Variants in EIF2AK1 observed in about 807,000 individuals in gnomAD.
EIF2AK1 encodes eukaryotic translation initiation factor 2-alpha kinase 1.
A neutral mutation model predicts 77.9 loss-of-function variants in EIF2AK1; 54 were observed. The ratio of observed to expected loss-of-function variants is 0.69; its 90% confidence interval spans 0.56 to 0.87. EIF2AK1 has a LOEUF of 0.87. Ranked by LOEUF, EIF2AK1 falls within the 40% of genes least tolerant of loss-of-function variation. The pLI, the probability that EIF2AK1 is intolerant of heterozygous loss-of-function variation, is 0.00. For missense variants in EIF2AK1, 810 were observed against 768.6 expected (o/e 1.05, Z -0.64); for synonymous variants, 314 against 290.5 (o/e 1.08, Z -0.82).
intron 7 of EIF2AK1, among the ~76,000 whole-genome samples, chr7:6,043,840 T>C (rs1253049530): frequency 6.6e-6 from 1 of 152,112 alleles, no homozygotes; most frequent in African/African-American, 2.4e-5. Flanking sequence ...GGCTCATGCC[T>C]ATAGTCCCAG....
rs867598900 is a variant in EIF2AK1 at position 6,028,935 on chromosome 7, G to A, written c.1430C>T (p.Thr477Ile). The change falls in exon 12 of 15, where the codon ACC becomes ATC. Residue 477 changes from threonine to isoleucine, a missense_variant. Physicochemically the swap from Thr to Ile is moderately conservative, Grantham distance 89 (BLOSUM62 -1). Coordinates refer to ENST00000199389, the MANE Select transcript of EIF2AK1 (RefSeq NM_014413.4). ...AAACTTACTCTTCCCGTTTCTGTTGGTCCAGTCTGTGTTCTTCTGTAGGAT... is the reference window on the plus strand; with the variant it reads ...AAACTTACTCTTCCCGTTTCTGTTGATCCAGTCTGTGTTCTTCTGTAGGAT... ...TDILQKNTDW[T>I]NRNGKRTPTH... The A allele has an allele frequency of 5.6e-6, 9 of 1,605,992 alleles. No homozygotes were observed. In the Middle Eastern group the frequency reaches 8.3e-4, roughly 148 times the overall value.
Position 6,049,971 on chromosome 7 carries a change from G to C in EIF2AK1, c.352C>G (p.Leu118Val), listed in dbSNP as rs1423186501. Residue 118 changes from leucine (L) to valine (V), a missense_variant, in exon 3 of 15, where the codon CTA (leucine) becomes GTA (valine). Coordinates refer to ENST00000199389, the MANE Select transcript of EIF2AK1 (RefSeq NM_014413.4). ...TGAGTAATAGCTCTGTTGTGATGTA[G>C]TCTCAATGAGCTAAACTCGTCACTA... is the stretch of plus-strand genomic sequence containing the variant. ...TCSDEFSSLR[L>V]HHNRAITHLM... 6.2e-7 allele frequency: 1 copy of C among 1,613,110 alleles called. No homozygotes were observed. The highest frequency in any genetic ancestry group is 8.5e-7 in the Non-Finnish European group (1 of 1,179,564).
intron 13 of EIF2AK1, 55 bp downstream of exon 13, chr7:6,028,560 T>C: frequency 6.4e-7 from 1 of 1,568,742 alleles, no homozygotes; most frequent in Non-Finnish European, 8.8e-7. Flanking sequence ...CCCTGTATTG[T>C]TATTTAAGAC....
At chr7:6,042,874 A>G in intron 8 of EIF2AK1, 59 bp downstream of exon 8, 1 of 1,487,214 alleles carries the variant, frequency 6.7e-7, no homozygotes, top group Admixed American at 1.8e-5. Flanking sequence ...GCCAAAAAAA[A>G]GAACAAAAGC....
chr7:6,036,478 C>T lies in EIF2AK1; in HGVS notation c.1332+946G>A, dbSNP rs1788099424. 1.5e-5 allele frequency: 12 copies of T among 798,754 alleles called. No homozygotes were observed. The South Asian group carries it at 2.3e-4, about 15-fold the overall frequency. The allele number at this position is 798,754 out of a possible 1,614,324, so 49.5% of individuals were successfully genotyped here. A position where few individuals can be genotyped will look rare whatever the true frequency, so the allele number is the denominator to read the frequency against. On this transcript the variant is annotated intron_variant, in intron 11 of 14. Coordinates refer to ENST00000199389, the MANE Select transcript of EIF2AK1 (RefSeq NM_014413.4). The surrounding 1 kb of genome is among the most constrained non-coding windows in gnomAD (Gnocchi z 4.6). ...ATGTCCCAGAAAATGCTTCACCTAT[C>T]ACCTGTGACATCCCAAATGTACAAA...
At chr7:6,050,868 G>A (rs574165459) in intron 2 of EIF2AK1, among the ~76,000 whole-genome samples, 1 of 152,048 alleles carries the variant, frequency 6.6e-6, no homozygotes, top group Non-Finnish European at 1.5e-5. Context: ...CTCCCTAAGT[G>A]CTGGGATTAC....
In EIF2AK1 at chr7:6,023,248, G is replaced by A; in HGVS notation, c.*1425C>T. ...GACTGTCCCCTTCCCCACTGTGCGAGTACTTCCCTCAGGGCTGCTCTGGTG... is the reference window on the plus strand; with the variant it reads ...GACTGTCCCCTTCCCCACTGTGCGAATACTTCCCTCAGGGCTGCTCTGGTG... On this transcript the variant is annotated 3_prime_UTR_variant, in exon 15 of 15. Coordinates refer to ENST00000199389, the MANE Select transcript of EIF2AK1 (RefSeq NM_014413.4). 6.6e-7 allele frequency: 1 copy of A among 1,524,330 alleles called. No homozygotes were observed. Among genetic ancestry groups the A allele is most frequent in the Non-Finnish European group, 8.7e-7 (1 of 1,145,352 alleles). The allele number at this position is 1,524,330 out of a possible 1,614,324, so 94.4% of individuals were successfully genotyped here. A position where few individuals can be genotyped will look rare whatever the true frequency, so the allele number is the denominator to read the frequency against.
At position 6,023,101 on chromosome 7, in the gene EIF2AK1, A is replaced by G. The variant is rs749797294; in HGVS notation, c.*1572T>C. The G allele has an allele frequency of 8.4e-6, 5 of 594,024 alleles. No homozygotes were observed. Among genetic ancestry groups the G allele is most frequent in the Non-Finnish European group, 1.4e-5 (5 of 357,808 alleles). 36.8% of individuals were successfully genotyped at this position (594,024 alleles called of 1,614,324 possible). A position where few individuals can be genotyped will look rare whatever the true frequency, so the allele number is the denominator to read the frequency against. On this transcript the variant is annotated 3_prime_UTR_variant, in exon 15 of 15. Transcript: ENST00000199389. ...AAATACCAGGAATGACTCTTTGGTT[A>G]CTTTTTTAACATAGTTTGCACTTAA...
intron 8 of EIF2AK1, among the ~76,000 whole-genome samples, chr7:6,042,660 A>G (rs1045434386): frequency 1.3e-5 from 2 of 151,806 alleles, no homozygotes; most frequent in African/African-American, 4.8e-5. Context: ...AGGCCAGGAG[A>G]TCGAGACCAC....
Position 6,037,444 on chromosome 7 carries a change from T to G in EIF2AK1, c.1312A>C (p.Ile438Leu). 1 of 1,611,986 alleles carries G rather than the reference T, an allele frequency of 6.2e-7. No individual in the cohort carries two copies. Among genetic ancestry groups the G allele is most frequent in the Non-Finnish European group, 8.5e-7 (1 of 1,178,830 alleles). ...CTTACCTTCAGATCTCGGTGCACAA[T>G]TCCCATGTTATGTATGTAAAACACA... is the stretch of plus-strand genomic sequence containing the variant. ...EGVFYIHNMG[I>L]VHRDLKPRNI... Residue 438 changes from isoleucine to leucine, a missense_variant, in exon 11 of 15, where the codon ATT becomes CTT. By Grantham distance (5) the Ile-to-Leu change is conservative. Transcript: ENST00000199389.
intron 14 of EIF2AK1, among the ~76,000 whole-genome samples, chr7:6,026,131 T>A (rs1041791884): frequency 1.6e-4 from 25 of 151,990 alleles, no homozygotes; most frequent in Non-Finnish European, 1.6e-4. Context: ...TCGGGCACAC[T>A]CTTCAGCACT....
rs184694128 is a variant in EIF2AK1, at chr7:6,035,777, G to T, written c.1332+1647C>A. Reference sequence around the variant, plus strand: ...CCGCAAACATGCTGAATAAGGAGATGATGGAAACGCTCATTGCCTATGGAG... The same window carrying T: ...CCGCAAACATGCTGAATAAGGAGATTATGGAAACGCTCATTGCCTATGGAG... On this transcript the variant is annotated intron_variant, in intron 11 of 14. Coordinates refer to ENST00000199389, the MANE Select transcript of EIF2AK1 (RefSeq NM_014413.4). The surrounding 1 kb of genome is among the most constrained non-coding windows in gnomAD (Gnocchi z 5.5). 6.4e-7 allele frequency: 1 copy of T among 1,551,136 alleles called. No individual in the cohort carries two copies. Among genetic ancestry groups the T allele is most frequent in the East Asian group, 2.4e-5 (1 of 40,926 alleles).
intron 4 of EIF2AK1, chr7:6,048,130 C>T (rs1338125569): frequency 3.9e-5 from 6 of 152,188 alleles, no homozygotes; most frequent in African/African-American, 1.4e-4. Flanking sequence ...CTCAAATGTA[C>T]AATTCAGTGG....
chr7:6,038,818 G>GACAGAAGGAGC (rs1788183613), intron 9 of EIF2AK1, 147 bp from the exon 10 acceptor site: 1 of 559,090 alleles, frequency 1.8e-6, no homozygotes, highest in African/African-American at 2.0e-5. Flanking sequence ...CTCTTTGCAA[G>GACAGAAGGAGC]ACAGAAGTGT....
chr7:6,031,373 C>G, intron 11 of EIF2AK1: 2 of 1,550,426 alleles, frequency 1.3e-6, no homozygotes, highest in Non-Finnish European at 1.7e-6. Context: ...TTAAGTTTTT[C>G]TCATGGGGAA....
intron 11 of EIF2AK1, among the ~76,000 whole-genome samples, chr7:6,030,688 A>G (rs895493655): frequency 6.6e-6 from 1 of 152,110 alleles, no homozygotes; most frequent in Non-Finnish European, 1.5e-5. Context: ...TAGTAGCGAC[A>G]GGGTTTCACC....
chr7:6,046,088 T>C lies in EIF2AK1; in HGVS notation c.613A>G (p.Lys205Glu), dbSNP rs1788437160. 7 of 1,563,550 alleles carry C rather than the reference T, an allele frequency of 4.5e-6. No individual in the cohort carries two copies. The highest frequency in any genetic ancestry group is 6.1e-6 in the Non-Finnish European group (7 of 1,153,894). Residue 205 changes from lysine (K) to glutamate (E), a missense_variant, in exon 6 of 15, where the codon AAA becomes GAA. Lys to Glu is a moderately conservative substitution (Grantham distance 56, BLOSUM62 1). Around this residue, in one of 3 missense-constraint regions of EIF2AK1, gnomAD observed 549 missense variants for 533.7 expected, o/e 1.03. Transcript: ENST00000199389. ...IKKILIKGAT[K>E]TVCMKVLREV... ...AATCATACCTTCATGCAAACTGTTT[T>C]AGTTGCACCCTTAATCAGGATTTTT... is the stretch of plus-strand genomic sequence containing the variant.
Position 6,028,969 on chromosome 7 carries a change from A to G in EIF2AK1, c.1396T>C (p.Cys466Arg). ...QVKIGDFGLA[C>R]TDILQKNTDW... is the part of the protein sequence containing the mutation. ...GTGTTCTTCTGTAGGATGTCTGTGC[A>G]GGCCAGACCAAAGTCTCCTATTTTT... Residue 466 changes from cysteine (C) to arginine (R), a missense_variant, in exon 12 of 15, where the codon TGC (cysteine) becomes CGC (arginine). Physicochemically the swap from Cys to Arg is radical, Grantham distance 180. This residue lies in a region of EIF2AK1 where 549 missense variants were observed against 533.7 expected (regional missense o/e 1.03). Coordinates refer to ENST00000199389, the MANE Select transcript of EIF2AK1 (RefSeq NM_014413.4). 1 of 1,612,558 alleles carries G rather than the reference A, an allele frequency of 6.2e-7. No homozygotes were observed. The highest frequency in any genetic ancestry group is 8.5e-7 in the Non-Finnish European group (1 of 1,179,728).
intron 14 of EIF2AK1, among the ~76,000 whole-genome samples, chr7:6,025,017 T>C (rs1023799538): frequency 1.3e-5 from 2 of 151,874 alleles, no homozygotes; most frequent in Non-Finnish European, 2.9e-5. Flanking sequence ...TTCTGTATTT[T>C]TAGTAGAGAT....
Sources: gnomAD v4.1 joint callset for allele counts (sites outside exome capture counted in the v4.1 genomes callset) on GRCh38, gnomAD v4.1.1 for gene constraint, gnomAD v4.1.1 regional missense constraint, Gnocchi (gnomAD v3.1) non-coding constraint, MANE v1.5 for transcripts, NCBI Gene and HGNC (gene_info 2026-07-23, HGNC 2026-07-21) for gene names.